Variants in C3orf33 observed in about 807,000 individuals in gnomAD.
C3orf33 encodes the protein AP-1 activity suppressor.
A neutral mutation model predicts 28.7 loss-of-function variants in C3orf33; 23 were observed. The ratio of observed to expected loss-of-function variants is 0.80; its 90% CI spans 0.58 to 1.13. C3orf33 has a LOEUF of 1.13. Among genes scored for constraint, C3orf33 ranks in the 50% most tolerant of loss-of-function variants. C3orf33 has a pLI of 0.00. For synonymous variants in C3orf33, 119 were observed against 120.5 expected (o/e 0.99, Z 0.08); for missense variants, 327 against 353.4 (o/e 0.93, Z 0.60).
intron 2 of C3orf33, among the ~76,000 whole-genome samples, chr3:155,790,526 C>A (rs1335737966): frequency 6.6e-6 from 1 of 152,144 alleles, no homozygotes; most frequent in African/African-American, 2.4e-5. Context: ...TTCATAAGAA[C>A]CAAAAATCAG....
At chr3:155,801,938 G>A (rs1033976681) in intron 2 of C3orf33, among the ~76,000 whole-genome samples, 34 of 152,124 alleles carry the variant, frequency 2.2e-4, no homozygotes, top group African/African-American at 8.2e-4. Context: ...TTTTAGTAGA[G>A]ACAGGGTTTC....
intron 2 of C3orf33, among the ~76,000 whole-genome samples, chr3:155,793,816 A>G (rs1398064136): frequency 4.2e-5 from 6 of 143,052 alleles, no homozygotes; most frequent in African/African-American, 1.6e-4. Flanking sequence ...ACTCAAAAAA[A>G]AAAAAAAAAA....
intron 3 of C3orf33, among the ~76,000 whole-genome samples, chr3:155,768,070 G>C (rs984130560): frequency 2.6e-5 from 4 of 152,062 alleles, no homozygotes; most frequent in African/African-American, 7.2e-5. Flanking sequence ...AGTAGAGACA[G>C]GGTCTCGTTA....
chr3:155,772,965 C>T (rs1214751585), intron 3 of C3orf33, among the ~76,000 whole-genome samples: 1 of 152,128 alleles, frequency 6.6e-6, no homozygotes, highest in African/African-American at 2.4e-5. Flanking sequence ...GCTCCACACA[C>T]CAATCTGTGT....
chr3:155,800,147 G>C (rs1001083110), intron 2 of C3orf33, among the ~76,000 whole-genome samples: 4 of 151,970 alleles, frequency 2.6e-5, no homozygotes, highest in African/African-American at 9.7e-5. Context: ...TGATTATTAT[G>C]GACTGTATGC....
At chr3:155,780,032 A>T (rs1201786512) in intron 2 of C3orf33, among the ~76,000 whole-genome samples, 1 of 152,244 alleles carries the variant, frequency 6.6e-6, no homozygotes, top group African/African-American at 2.4e-5. Context: ...CGAACAAAAA[A>T]TATACATAAA....
intron 1 of C3orf33, among the ~76,000 whole-genome samples, chr3:155,805,158 TAAAAAAAAA>T (rs57906262): frequency 2.7e-3 from 388 of 141,524 alleles, no homozygotes; most frequent in Admixed American, 3.4e-3. Context: ...GTGCTTCACT[TAAAAAAAAA>T]AAAAAAAAAA....
chr3:155,788,034 A>G (rs1751185937), intron 2 of C3orf33, among the ~76,000 whole-genome samples: 1 of 151,906 alleles, frequency 6.6e-6, no homozygotes. Context: ...TACTAAAAAT[A>G]CAAAAAATTA....
intron 2 of C3orf33, among the ~76,000 whole-genome samples, chr3:155,795,054 G>A (rs1351277617): frequency 6.6e-6 from 1 of 152,182 alleles, no homozygotes; most frequent in African/African-American, 2.4e-5. Context: ...AATGGACGTA[G>A]GATATTCATA....
chr3:155,767,539 T>C lies in C3orf33; in HGVS notation c.453A>G (p.Ser151=). Residue 151 remains serine (S), a synonymous_variant, in exon 4 of 5, where the codon TCA becomes TCG. Coordinates refer to ENST00000340171, the MANE Select transcript of C3orf33 (RefSeq NM_001308229.2). ...LWFQLLGKEN[S]ALFCYLLVSK... Reference sequence around the variant, plus strand: ...TCACCAGAAGATAGCAAAAGAGTGCTGAATTCTCCTTTCCAAGAAGTTGGA... The same window carrying C: ...TCACCAGAAGATAGCAAAAGAGTGCCGAATTCTCCTTTCCAAGAAGTTGGA... 2 of 1,585,296 alleles carry C rather than the reference T, an allele frequency of 1.3e-6. No homozygotes were observed. The highest frequency in any genetic ancestry group is 1.7e-5 in the Admixed American group (1 of 57,866).
At chr3:155,778,253 G>A (rs1320889068) in intron 2 of C3orf33, among the ~76,000 whole-genome samples, 1 of 151,696 alleles carries the variant, frequency 6.6e-6, no homozygotes, top group Non-Finnish European at 1.5e-5. Flanking sequence ...GTTGGATTGG[G>A]AAAAAAACAA....
At chr3:155,805,303 C>CA (rs1577443640) in intron 1 of C3orf33, among the ~76,000 whole-genome samples, 1 of 147,634 alleles carries the variant, frequency 6.8e-6, no homozygotes, top group African/African-American at 2.5e-5. Flanking sequence ...CCTCTACAAA[C>CA]AAAAAACAAA....
chr3:155,783,313 C>T (rs1016511639), intron 2 of C3orf33, among the ~76,000 whole-genome samples: 1 of 152,016 alleles, frequency 6.6e-6, no homozygotes, highest in African/African-American at 2.4e-5. Flanking sequence ...TGCCACCACA[C>T]TCAGCTACTT....
intron 4 of C3orf33, among the ~76,000 whole-genome samples, chr3:155,766,405 C>T (rs1324419685): frequency 1.3e-5 from 2 of 152,190 alleles, no homozygotes; most frequent in South Asian, 2.1e-4. Context: ...CTTTAGATGA[C>T]TCATCACTGA....
Position 155,788,018 on chromosome 3 carries a change from C to T in C3orf33, c.175-12170G>A, listed in dbSNP as rs192961684. 3.5e-3 allele frequency among the ~76,000 whole-genome samples: 532 copies of T among 151,382 alleles called. 4 individuals are homozygous for T. The highest frequency in any genetic ancestry group is 0.012 in the African/African-American group (485 of 41,316). ...CATCCTGGTTAACACGGTGAAACCC[C>T]GTCTCTACTAAAAATACAAAAAATT... is the stretch of plus-strand genomic sequence containing the variant. On this transcript the variant is annotated intron_variant, in intron 2 of 4. Transcript: ENST00000340171.
At chr3:155,781,629 T>G (rs7372113) in intron 2 of C3orf33, among the ~76,000 whole-genome samples, 2 of 150,438 alleles carry the variant, frequency 1.3e-5, no homozygotes, top group Admixed American at 6.6e-5. Flanking sequence ...ATTAGCCGGG[T>G]GTGGTGGCAC....
intron 2 of C3orf33, among the ~76,000 whole-genome samples, chr3:155,800,734 A>T (rs1171382253): frequency 1.3e-5 from 2 of 151,916 alleles, no homozygotes; most frequent in African/African-American, 4.8e-5. Flanking sequence ...TTCAACAACA[A>T]AAAAACAAAC....
At chr3:155,801,460 T>C (rs1225164007) in intron 2 of C3orf33, among the ~76,000 whole-genome samples, 2 of 152,150 alleles carry the variant, frequency 1.3e-5, no homozygotes, top group African/African-American at 2.4e-5. Flanking sequence ...AGCTAAAACA[T>C]GGAAGCAACC....
At chr3:155,806,024 T>G in intron 1 of C3orf33, 115 bp downstream of exon 1, 8 of 676,298 alleles carry the variant, frequency 1.2e-5, no homozygotes, top group East Asian at 3.3e-5. Flanking sequence ...TCCCCCGCAG[T>G]TTTCTGTCGC....
Sources: allele counts gnomAD v4.1 joint callset (sites outside exome capture counted in the v4.1 genomes callset), GRCh38; gene constraint gnomAD v4.1.1; transcripts MANE v1.5; gene names NCBI Gene and HGNC (gene_info 2026-07-23, HGNC 2026-07-21).